The following PLCE1 variants were observed in gnomAD, a reference collection of about 807,000 sequenced individuals.
PLCE1 encodes the protein phospholipase C epsilon 1.
In PLCE1, 119 loss-of-function variants were observed where a neutral mutation model predicts 242.8. The ratio of observed to expected loss-of-function variants is 0.49; its 90% confidence interval spans 0.42 to 0.57. PLCE1 has a LOEUF of 0.57. PLCE1 is among the 20% of genes least tolerant of loss of function. The pLI is 0.00. For missense variants in PLCE1, 2,441 were observed against 2,788.8 expected, an observed-to-expected ratio of 0.88 and a Z score of 2.81; for synonymous variants, 945 against 1,017.4, an observed-to-expected ratio of 0.93 and a Z score of 1.35.
At chr10:94,203,410 C>A (rs1416066147) in intron 4 of PLCE1, among the ~76,000 whole-genome samples, 1 of 152,194 alleles carries the variant, frequency 6.6e-6, no homozygotes, top group East Asian at 1.9e-4. Flanking sequence ...ACTTCATATT[C>A]ATGTTTTAAG....
chr10:94,126,135 TA>T (rs1440650486), intron 2 of PLCE1, among the ~76,000 whole-genome samples: 1 of 152,232 alleles, frequency 6.6e-6, no homozygotes, highest in African/African-American at 2.4e-5. Flanking sequence ...AAGTGTTATC[TA>T]AGCATTGCTT....
At chr10:94,009,701 G>A (rs565088966) in intron 1 of PLCE1, among the ~76,000 whole-genome samples, 2 of 152,344 alleles carry the variant, frequency 1.3e-5, no homozygotes, top group East Asian at 1.9e-4. Context: ...CCCAAAGAAA[G>A]GGGCAAGAAG....
intron 2 of PLCE1, among the ~76,000 whole-genome samples, chr10:94,050,681 GT>G (rs1032409262): frequency 5.3e-5 from 8 of 151,496 alleles, no homozygotes; most frequent in Non-Finnish European, 2.9e-5. Flanking sequence ...TACTTGGAAG[GT>G]TTTTTTGCAA....
chr10:94,130,221 G>T (rs1202414569), intron 2 of PLCE1, among the ~76,000 whole-genome samples: 1 of 152,122 alleles, frequency 6.6e-6, no homozygotes, highest in Non-Finnish European at 1.5e-5. Context: ...ACCCCCATTT[G>T]CCCTCACAGT....
At chr10:94,297,129 A>C (rs2052854198) in intron 23 of PLCE1, among the ~76,000 whole-genome samples, 1 of 152,068 alleles carries the variant, frequency 6.6e-6, no homozygotes, top group Non-Finnish European at 1.5e-5. Context: ...CAGCCTCCCA[A>C]AGTGCTGGGA....
intron 2 of PLCE1, chr10:94,100,232 AG>A (rs1403634538): frequency 2.0e-5 from 3 of 152,256 alleles, no homozygotes; most frequent in African/African-American, 7.2e-5. Context: ...GCAGAAACCA[AG>A]AGAAGCCAAG....
chr10:94,217,970 A>G (rs927646495), intron 4 of PLCE1, among the ~76,000 whole-genome samples: 3 of 149,560 alleles, frequency 2.0e-5, no homozygotes, highest in African/African-American at 7.4e-5. Flanking sequence ...CTTACATTTT[A>G]TTTTTACTTA....
intron 2 of PLCE1, among the ~76,000 whole-genome samples, chr10:94,034,479 A>C (rs1043194397): frequency 2.0e-5 from 3 of 152,338 alleles, no homozygotes; most frequent in Non-Finnish European, 4.4e-5. Context: ...TTAGCTAGTA[A>C]GTGAAATAAC....
Position 94,308,748 on chromosome 10 carries a change from G to A in PLCE1, c.6003+49G>A, listed in dbSNP as rs148580503. The A allele has an allele frequency of 2.4e-4, 296 of 1,250,400 alleles. No individual in the cohort carries two copies. The East Asian group carries it at 4.7e-3, about 20-fold the overall frequency. The allele number at this position is 1,250,400 out of a possible 1,614,324, so 77.5% of individuals were successfully genotyped here. Reference sequence around the variant, plus strand: ...ACATATTTATGGGGATTGCTACACTGAAGGTGGGCTTTTTTGTGGCCCAGC... The same window carrying A: ...ACATATTTATGGGGATTGCTACACTAAAGGTGGGCTTTTTTGTGGCCCAGC... On this transcript the variant is annotated intron_variant, in intron 27 of 32. Transcript: ENST00000371380.
At position 94,146,325 on chromosome 10, in the gene PLCE1, G is replaced by A. The variant is rs139693651; in HGVS notation, c.1492+13866G>A. Among the ~76,000 whole-genome samples, 9 of 152,168 alleles carry A rather than the reference G, an allele frequency of 5.9e-5. No individual in the cohort carries two copies. In the East Asian group the frequency reaches 1.4e-3, roughly 23 times the overall value. On this transcript the variant is annotated intron_variant, in intron 3 of 32. Coordinates refer to ENST00000371380, the MANE Select transcript of PLCE1 (RefSeq NM_016341.4). ...CTAGTCTTGAAAATTTAGCATCACCGGGAGAAAAATGAAATGCAATAAAAA... is the reference window on the plus strand; with the variant it reads ...CTAGTCTTGAAAATTTAGCATCACCAGGAGAAAAATGAAATGCAATAAAAA...
chr10:94,172,264 C>G (rs566097255), intron 4 of PLCE1, among the ~76,000 whole-genome samples: 2 of 152,274 alleles, frequency 1.3e-5, no homozygotes, highest in South Asian at 2.1e-4. Flanking sequence ...GGACTGCACT[C>G]TTGGGCTTAA....
At chr10:94,182,566 G>A (rs1177458598) in intron 4 of PLCE1, among the ~76,000 whole-genome samples, 1 of 151,694 alleles carries the variant, frequency 6.6e-6, no homozygotes, top group African/African-American at 2.4e-5. Context: ...TACCATGCCT[G>A]GCCCCATCTT....
rs2137329487 is a variant in PLCE1, at chr10:94,236,126, T to C, written c.2420+6T>C. 6.2e-7 allele frequency: 1 copy of C among 1,610,058 alleles called. No individual in the cohort carries two copies. The highest frequency in any genetic ancestry group is 1.1e-5 in the South Asian group (1 of 90,946). ...AAGGATAAAAGCCGATGGCAGTAAG[T>C]TTTACACGTTAAAAGTGAGGAATGC... On this transcript the variant is annotated splice_donor_region_variant and intron_variant, in intron 7 of 32. Transcript: ENST00000371380.
intron 4 of PLCE1, among the ~76,000 whole-genome samples, chr10:94,179,882 G>A (rs1390139642): frequency 6.7e-6 from 1 of 149,732 alleles, no homozygotes; most frequent in African/African-American, 2.5e-5. Flanking sequence ...GAAATGACAT[G>A]TTTAAAGCAC....
chr10:94,106,200 A>G (rs2135551449), intron 2 of PLCE1: 1 of 152,358 alleles, frequency 6.6e-6, no homozygotes, highest in Admixed American at 6.5e-5. Context: ...ACCCACTTCA[A>G]AAAGAATTTA....
Position 94,032,202 on chromosome 10 carries a change from G to A in PLCE1, c.1156G>A (p.Glu386Lys). The A allele has an allele frequency of 6.2e-7, 1 of 1,613,224 alleles. No individual in the cohort carries two copies. The highest frequency in any genetic ancestry group is 8.5e-7 in the Non-Finnish European group (1 of 1,179,628). Residue 386 changes from glutamate to lysine, a missense_variant, in exon 2 of 33, where the codon GAG (glutamate) becomes AAG (lysine). Glu to Lys is a moderately conservative substitution (Grantham distance 56, BLOSUM62 1). Around this residue, in one of 5 missense-constraint regions of PLCE1, gnomAD observed 733 missense variants for 754.2 expected, o/e 0.97. Transcript: ENST00000371380. ...GRVMEPPSTV[E>K]IRQDGSQRLS... ...AGTAATGGAACCCCCGTCAACAGTG[G>A]AGATAAGGCAAGATGGGAGCCAACG...
At chr10:94,177,734 A>G (rs2048169375) in intron 4 of PLCE1, among the ~76,000 whole-genome samples, 1 of 152,226 alleles carries the variant, frequency 6.6e-6, no homozygotes, top group African/African-American at 2.4e-5. Context: ...ACTTTTAAAA[A>G]ATTCCTCCTA....
chr10:94,063,543 G>A (rs2044118582), intron 2 of PLCE1, among the ~76,000 whole-genome samples: 3 of 152,146 alleles, frequency 2.0e-5, no homozygotes, highest in South Asian at 2.1e-4. Context: ...CTGCCACACT[G>A]CTTTTTGCCT....
intron 13 of PLCE1, among the ~76,000 whole-genome samples, chr10:94,259,402 G>C (rs2051217811): frequency 6.6e-6 from 1 of 151,922 alleles, no homozygotes. Flanking sequence ...TCCTGCCTCA[G>C]CCTCCTGAGT....
Sources: gnomAD v4.1 joint callset for allele counts (sites outside exome capture counted in the v4.1 genomes callset) on GRCh38, gnomAD v4.1.1 for gene constraint, gnomAD v4.1.1 regional missense constraint, MANE v1.5 for transcripts, NCBI Gene and HGNC (gene_info 2026-07-23, HGNC 2026-07-21) for gene names.